The following TEK variants were observed in gnomAD, a reference collection of about 807,000 sequenced individuals.
The protein encoded by TEK is TEK receptor tyrosine kinase.
Under a neutral mutation model 131.8 loss-of-function variants are expected in TEK, and 43 were observed. That is an observed-to-expected ratio of 0.33 (90% CI 0.26 to 0.42). The LOEUF (loss-of-function observed/expected upper bound fraction) is 0.42. Among genes scored for constraint, TEK ranks in the 10% least tolerant of loss-of-function variants. The probability of loss-of-function intolerance (pLI) is 1.00; values close to 1 mark genes in which losing one functional copy is unlikely to be tolerated. For synonymous variants in TEK, 580 were observed against 491.6 expected, an observed-to-expected ratio of 1.18 and a Z score of -2.38; for missense variants, 1,162 against 1,384.4, an observed-to-expected ratio of 0.84 and a Z score of 2.55.
intron 1 of TEK, among the ~76,000 whole-genome samples, chr9:27,118,952 G>C (rs1285173888): frequency 6.6e-6 from 1 of 152,212 alleles, no homozygotes; most frequent in Non-Finnish European, 1.5e-5. Context: ...TTTAGTACGA[G>C]AGAATGAGGC....
chr9:27,152,635 C>T (rs1823174282), intron 1 of TEK, among the ~76,000 whole-genome samples: 1 of 148,686 alleles, frequency 6.7e-6, no homozygotes, highest in Non-Finnish European at 1.5e-5. Flanking sequence ...TTGAGTAGCT[C>T]ACTGGGAGTG....
chr9:27,169,737 C>T (rs1348597697), intron 4 of TEK, 108 bp downstream of exon 4: 1 of 1,479,286 alleles, frequency 6.8e-7, no homozygotes, highest in Admixed American at 1.7e-5. Context: ...AAAAACCAGG[C>T]ATTGGTTGGA....
At position 27,229,992 on chromosome 9, in the gene TEK, CAGAA is replaced by C. The variant is rs756297967; in HGVS notation, c.*763_*766del. On this transcript the variant is annotated 3_prime_UTR_variant, in exon 23 of 23. Transcript: ENST00000380036. ...TTGACTTGTATATTTTAAGAAATAA[CAGAA>C]AGCCTGGGTGACATTTGGGAGACAT... 2 of 152,228 alleles carry C rather than the reference CAGAA, an allele frequency of 1.3e-5. No individual in the cohort carries two copies. The highest frequency in any genetic ancestry group is 2.9e-5 in the Non-Finnish European group (2 of 68,098). 9.4% of individuals were successfully genotyped at this position (152,228 alleles called of 1,614,324 possible). A position where few individuals can be genotyped will look rare whatever the true frequency, so the allele number is the denominator to read the frequency against.
In TEK at chr9:27,206,648, C is replaced by T. The variant is rs747459353; in HGVS notation, c.2431C>T (p.Pro811Ser). 1 of 1,613,928 alleles carries T rather than the reference C, an allele frequency of 6.2e-7. No homozygotes were observed. The highest frequency in any genetic ancestry group is 8.5e-7 in the Non-Finnish European group (1 of 1,179,964). ...LALNRKVKNNPDPTIYPVLDW... is the reference protein window; with the variant it reads ...LALNRKVKNNSDPTIYPVLDW... ...CCTAAACAGGAAGGTCAAAAACAAC[C>T]CAGATCCTACAATTTATCCAGTGCT... The change falls in exon 15 of 23, where the codon CCA becomes TCA. Residue 811 changes from proline (P) to serine (S), a missense_variant. Around this residue, in one of 6 missense-constraint regions of TEK, gnomAD observed 477 missense variants for 471.0 expected, o/e 1.01. Transcript: ENST00000380036.
chr9:27,217,857 TCGGGAACAAAGG>T, intron 19 of TEK, 99 bp downstream of exon 19: 1 of 1,030,706 alleles, frequency 9.7e-7, no homozygotes, highest in Non-Finnish European at 1.5e-6. Context: ...CCTGTAGCTC[TCGGGAACAAAGG>T]TAACTAAAAA....
At chr9:27,118,470 C>T (rs1299739921) in intron 1 of TEK, among the ~76,000 whole-genome samples, 2 of 152,014 alleles carry the variant, frequency 1.3e-5, no homozygotes, top group Non-Finnish European at 2.9e-5. Context: ...CCCATCTCTA[C>T]AAATAATACA....
intron 1 of TEK, among the ~76,000 whole-genome samples, chr9:27,111,298 C>T (rs1375244412): frequency 2.0e-5 from 3 of 152,156 alleles, no homozygotes; most frequent in Non-Finnish European, 4.4e-5. Flanking sequence ...TGAGGTAGGT[C>T]TGTTGTCTTG....
Position 27,220,020 on chromosome 9 carries a change from G to GACTT in TEK, c.3104-27_3104-24dup, listed in dbSNP as rs764335429. ...AAGCATTGCTTTTCATGCCAGAGAG[G>GACTT]ACTTAGAGTGGCACTGTTTGTCTTC... On this transcript the variant is annotated intron_variant, in intron 20 of 22. Transcript: ENST00000380036. The GACTT allele has an allele frequency of 3.1e-6, 5 of 1,608,132 alleles. No homozygotes were observed. The East Asian group carries it at 1.1e-4, about 36-fold the overall frequency.
rs771877890 is a variant in TEK at position 27,229,217 on chromosome 9, T to A, written c.3360T>A (p.Ala1120=). ...CTTATGCAGGAATTGACTGTTCTGC[T>A]GAAGAAGCGGCCTAGGACAGAACAT... ...KFTYAGIDCS[A]EEAA is the part of the protein sequence containing the mutation. The change falls in exon 23 of 23, where the codon GCT becomes GCA. Residue 1120 remains alanine (A), a synonymous_variant. Transcript: ENST00000380036. 1.9e-6 allele frequency: 3 copies of A among 1,613,822 alleles called. No homozygotes were observed. The highest frequency in any genetic ancestry group is 2.5e-6 in the Non-Finnish European group (3 of 1,179,730).
At chr9:27,224,391 C>T (rs533905386) in intron 21 of TEK, among the ~76,000 whole-genome samples, 1 of 152,096 alleles carries the variant, frequency 6.6e-6, no homozygotes, top group African/African-American at 2.4e-5. Flanking sequence ...TCCAGCAGCA[C>T]ATCAAAAAGC....
chr9:27,159,068 A>T (rs1564066987), intron 2 of TEK, among the ~76,000 whole-genome samples: 2 of 152,304 alleles, frequency 1.3e-5, no homozygotes, highest in East Asian at 1.9e-4. Flanking sequence ...AGCTGTGTTG[A>T]TTAGATGGAT....
At chr9:27,130,455 CA>C (rs778928950) in intron 1 of TEK, among the ~76,000 whole-genome samples, 125 of 152,050 alleles carry the variant, frequency 8.2e-4, no homozygotes, top group Non-Finnish European at 1.6e-3. Flanking sequence ...ATTGAATTTT[CA>C]TATGGGAAGG....
chr9:27,218,130 T>TTGGAGG (rs9298888), intron 19 of TEK, among the ~76,000 whole-genome samples: 9 of 139,634 alleles, frequency 6.4e-5, no homozygotes, highest in Middle Eastern at 3.9e-3. Flanking sequence ...GGCCAGACAG[T>TTGGAGG]GGCGGGGGTC....
intron 11 of TEK, among the ~76,000 whole-genome samples, chr9:27,196,877 T>C (rs1304472270): frequency 6.6e-6 from 1 of 151,164 alleles, no homozygotes; most frequent in Non-Finnish European, 1.5e-5. Flanking sequence ...TTATTTTTTA[T>C]TATACTTTAA....
chr9:27,207,403 A>G (rs1825436537), intron 15 of TEK, among the ~76,000 whole-genome samples: 1 of 152,228 alleles, frequency 6.6e-6, no homozygotes, highest in African/African-American at 2.4e-5. Flanking sequence ...GGCTTTCTCA[A>G]TGGTTCCTCT....
chr9:27,184,022 C>T (rs1824500982), intron 8 of TEK, among the ~76,000 whole-genome samples: 1 of 152,138 alleles, frequency 6.6e-6, no homozygotes, highest in Admixed American at 6.6e-5. Context: ...TTACGTGCTA[C>T]CAAGTGCAAC....
intron 11 of TEK, among the ~76,000 whole-genome samples, chr9:27,193,280 CAG>C (rs1398269045): frequency 6.6e-6 from 1 of 152,150 alleles, no homozygotes; most frequent in African/African-American, 2.4e-5. Flanking sequence ...CAGAATCACT[CAG>C]AGAGTTTGTT....
intron 18 of TEK, among the ~76,000 whole-genome samples, chr9:27,216,384 AT>A (rs1423766065): frequency 3.9e-5 from 6 of 152,192 alleles, no homozygotes; most frequent in East Asian, 1.9e-4. Context: ...AAATAAAAAA[AT>A]AAATGAAAAA....
At chr9:27,224,463 A>G (rs779541889) in intron 21 of TEK, among the ~76,000 whole-genome samples, 4 of 152,198 alleles carry the variant, frequency 2.6e-5, no homozygotes, top group Admixed American at 2.0e-4. Flanking sequence ...ACATATGCAA[A>G]TCAATAAACA....
Sources: gnomAD v4.1 joint callset for allele counts (sites outside exome capture counted in the v4.1 genomes callset) on GRCh38, gnomAD v4.1.1 for gene constraint, gnomAD v4.1.1 regional missense constraint, MANE v1.5 for transcripts, NCBI Gene and HGNC (gene_info 2026-07-23, HGNC 2026-07-21) for gene names.